COL3A1: variants seen among roughly 807,000 people sequenced by gnomAD.
COL3A1 encodes the protein collagen alpha-1(III) chain.
A neutral mutation model predicts 200.9 loss-of-function variants in COL3A1; 46 were observed. That is an observed-to-expected ratio of 0.23 (90% CI 0.18 to 0.29). The LOEUF (loss-of-function observed/expected upper bound fraction) is 0.29. Among genes scored for constraint, COL3A1 ranks in the 10% least tolerant of loss-of-function variants. The pLI, the probability that COL3A1 is intolerant of heterozygous loss-of-function variation, is 1.00. For missense variants in COL3A1, 1,367 were observed against 1,917.6 expected, an observed-to-expected ratio of 0.71 and a Z score of 5.36; for synonymous variants, 650 against 628.0, an observed-to-expected ratio of 1.03 and a Z score of -0.52.
In COL3A1 at chr2:189,006,967, C is replaced by T; in HGVS notation, c.3232C>T (p.Pro1078Ser). 6.2e-7 allele frequency: 1 copy of T among 1,612,976 alleles called. No homozygotes were observed. Among genetic ancestry groups the T allele is most frequent in the Non-Finnish European group, 8.5e-7 (1 of 1,179,748 alleles). Reference sequence around the variant, plus strand: ...TGCTGGCCCTGCTGGTGCTCCCGGTCCTGCTGGTTCCCGAGGTGCTCCTGT... The same window carrying T: ...TGCTGGCCCTGCTGGTGCTCCCGGTTCTGCTGGTTCCCGAGGTGCTCCTGT... ...GPAGPAGAPG[P>S]AGSRGAPGPQ... The change falls in exon 44 of 51, where the codon CCT becomes TCT. Residue 1078 changes from proline to serine, a missense_variant. This residue lies in a region of COL3A1 where 846 missense variants were observed against 1,147.9 expected (regional missense o/e 0.74). Transcript: ENST00000304636.
intron 34 of COL3A1, among the ~76,000 whole-genome samples, chr2:189,001,992 A>T (rs1414704564): frequency 6.6e-6 from 1 of 152,196 alleles, no homozygotes; most frequent in Non-Finnish European, 1.5e-5. Context: ...TTAATTTTTC[A>T]GTTAAGCTTC....
chr2:188,984,717 G>T (rs1245775798), intron 1 of COL3A1, 43 bp from the exon 2 acceptor site: 1 of 1,588,142 alleles, frequency 6.3e-7, no homozygotes, highest in South Asian at 1.1e-5. Flanking sequence ...TCACCTTTCA[G>T]CAAAACCTAA....
intron 47 of COL3A1, 121 bp from the exon 48 acceptor site, chr2:189,008,803 A>AAAT (rs1352903909): frequency 8.7e-7 from 1 of 1,147,086 alleles, no homozygotes; most frequent in Non-Finnish European, 1.3e-6. Context: ...ATCTTTAGTA[A>AAAT]AATAATTCTG....
At chr2:188,999,752 A>G in intron 31 of COL3A1, 90 bp from the exon 32 acceptor site, 1 of 1,405,602 alleles carries the variant, frequency 7.1e-7, no homozygotes, top group South Asian at 1.2e-5. Flanking sequence ...CCCAATATAT[A>G]TCCCTACAAA....
Position 188,997,862 on chromosome 2 carries a change from C to T in COL3A1, c.1923+109C>T. The T allele has an allele frequency of 2.9e-6, 3 of 1,036,718 alleles. No individual in the cohort carries two copies. In the East Asian group the frequency reaches 7.7e-5, roughly 27 times the overall value. 64.2% of individuals were successfully genotyped at this position (1,036,718 alleles called of 1,614,324 possible). A position where few individuals can be genotyped will look rare whatever the true frequency, so the allele number is the denominator to read the frequency against. ...CTTAACTTGTGATTCTGTCTTTCAT[C>T]TGGAAATAAAATTTTAGGCAATGTT... On this transcript the variant is annotated intron_variant, in intron 27 of 50. Coordinates refer to ENST00000304636, the MANE Select transcript of COL3A1 (RefSeq NM_000090.4).
rs1034257844 is a variant in COL3A1, at chr2:189,002,969, A to G, written c.2460A>G (p.Glu820=). The G allele has an allele frequency of 2.6e-6, 4 of 1,551,510 alleles. No individual in the cohort carries two copies. In the African/African-American group the frequency reaches 4.1e-5, roughly 16 times the overall value. The change falls in exon 36 of 51, where the codon GAA becomes GAG. Residue 820 remains glutamate (E), a synonymous_variant. Coordinates refer to ENST00000304636, the MANE Select transcript of COL3A1 (RefSeq NM_000090.4). ...GTTGCATGTAGGGACAGAATGGTGA[A>G]CCTGGTGGTAAAGGAGAAAGAGGGG... is the stretch of plus-strand genomic sequence containing the variant. ...GFPGAPGQNG[E]PGGKGERGAP...
At chr2:188,980,854 A>G (rs1030915389) in intron 1 of COL3A1, among the ~76,000 whole-genome samples, 4 of 151,302 alleles carry the variant, frequency 2.6e-5, no homozygotes, top group Admixed American at 6.6e-5. Context: ...AAATACCCAC[A>G]TGTACAAAAT....
chr2:189,011,929 ACTTC>A lies in COL3A1; in HGVS notation c.*156_*159del. On this transcript the variant is annotated 3_prime_UTR_variant, in exon 51 of 51. Transcript: ENST00000304636. ...GTATAATTTGACAAAGAAAAATGAT[ACTTC>A]TCTTTTTTTGCTGTTCCACCAAATA... The A allele has an allele frequency of 1.3e-6, 1 of 797,922 alleles. No homozygotes were observed. The highest frequency in any genetic ancestry group is 2.0e-6 in the Non-Finnish European group (1 of 503,366). The allele number at this position is 797,922 out of a possible 1,614,324, so 49.4% of individuals were successfully genotyped here. A position where few individuals can be genotyped will look rare whatever the true frequency, so the allele number is the denominator to read the frequency against.
At chr2:188,999,655 A>G (rs1688411019) in intron 31 of COL3A1, 78 bp downstream of exon 31, 1 of 1,470,438 alleles carries the variant, frequency 6.8e-7, no homozygotes, top group Non-Finnish European at 9.4e-7. Context: ...CCTGGAAAGT[A>G]ATCGACTGTA....
chr2:188,993,005 G>T lies in COL3A1; in HGVS notation c.1050+65G>T. 2.7e-6 allele frequency: 4 copies of T among 1,469,764 alleles called. No homozygotes were observed. The South Asian group carries it at 3.4e-5, about 13-fold the overall frequency. The allele number at this position is 1,469,764 out of a possible 1,614,324, so 91.0% of individuals were successfully genotyped here. A position where few individuals can be genotyped will look rare whatever the true frequency, so the allele number is the denominator to read the frequency against. On this transcript the variant is annotated intron_variant, in intron 15 of 50. Transcript: ENST00000304636. Reference sequence around the variant, plus strand: ...GGAGGCAAGAGAAAAGCATTAGATTGCTTCTTGCAACTGATTTTTTTAATC... The same window carrying T: ...GGAGGCAAGAGAAAAGCATTAGATTTCTTCTTGCAACTGATTTTTTTAATC...
rs770702857 is a variant in COL3A1 at position 188,987,026 on chromosome 2, A to C, written c.448-33A>C. ...TAAAAGAATTATGAACTGTCTGTTAAAATGATCATATCTATTTGTCTCCTT... is the reference window on the plus strand; with the variant it reads ...TAAAAGAATTATGAACTGTCTGTTACAATGATCATATCTATTTGTCTCCTT... On this transcript the variant is annotated intron_variant, in intron 4 of 50. Coordinates refer to ENST00000304636, the MANE Select transcript of COL3A1 (RefSeq NM_000090.4). The C allele has an allele frequency of 3.2e-6, 5 of 1,564,448 alleles. No individual in the cohort carries two copies. In the Admixed American group the frequency reaches 6.7e-5, roughly 21 times the overall value.
chr2:188,990,210 A>T (rs1233101895), intron 9 of COL3A1, 61 bp downstream of exon 9: 1 of 1,586,698 alleles, frequency 6.3e-7, no homozygotes, highest in Non-Finnish European at 8.6e-7. Flanking sequence ...CTATTATGTA[A>T]TTCAATGGAA....
chr2:188,999,646 C>A, intron 31 of COL3A1, 69 bp downstream of exon 31: 1 of 1,507,224 alleles, frequency 6.6e-7, no homozygotes, highest in Non-Finnish European at 9.2e-7. Flanking sequence ...AGCAACACTC[C>A]TGGAAAGTAA....
At chr2:189,008,241 A>G in intron 47 of COL3A1, 99 bp downstream of exon 47, 2 of 972,088 alleles carry the variant, frequency 2.1e-6, no homozygotes, top group Non-Finnish European at 3.2e-6. Flanking sequence ...GAGAGACGCA[A>G]TGCATCCACT....
At chr2:189,003,575 G>A (rs193012373) in intron 37 of COL3A1, 111 bp downstream of exon 37, 4 of 1,342,266 alleles carry the variant, frequency 3.0e-6, no homozygotes, top group East Asian at 4.7e-5. Context: ...AATTGTAATC[G>A]CTCATTCATA....
intron 37 of COL3A1, 124 bp from the exon 38 acceptor site, chr2:189,003,610 G>A: frequency 2.2e-6 from 3 of 1,353,576 alleles, no homozygotes; most frequent in Non-Finnish European, 3.2e-6. Flanking sequence ...AAATTCCAAG[G>A]GGAAACACAA....
rs1688740873 is a variant in COL3A1 at position 189,012,035 on chromosome 2, C to T, written c.*261C>T. 4.2e-6 allele frequency: 2 copies of T among 478,508 alleles called. No homozygotes were observed. The highest frequency in any genetic ancestry group is 7.6e-6 in the Non-Finnish European group (2 of 263,060). The allele number at this position is 478,508 out of a possible 1,614,324, so 29.6% of individuals were successfully genotyped here. On this transcript the variant is annotated 3_prime_UTR_variant, in exon 51 of 51. Coordinates refer to ENST00000304636, the MANE Select transcript of COL3A1 (RefSeq NM_000090.4). ...TCTCAATGGTGCTATAATAAATAAA[C>T]TTCAACACTCTTTATGATAACAACA... is the stretch of plus-strand genomic sequence containing the variant.
intron 1 of COL3A1, among the ~76,000 whole-genome samples, chr2:188,979,281 T>A (rs1379257440): frequency 6.6e-6 from 1 of 151,938 alleles, no homozygotes; most frequent in South Asian, 2.1e-4. Context: ...GAAATACTCT[T>A]TGGAGTTGCA....
chr2:188,981,082 A>C (rs1418338742), intron 1 of COL3A1, among the ~76,000 whole-genome samples: 1 of 151,504 alleles, frequency 6.6e-6, no homozygotes, highest in East Asian at 1.9e-4. Context: ...TAAGACAAAC[A>C]TAACATTCAT....
Sources: gnomAD v4.1 joint callset for allele counts (sites outside exome capture counted in the v4.1 genomes callset) on GRCh38, gnomAD v4.1.1 for gene constraint, gnomAD v4.1.1 regional missense constraint, MANE v1.5 for transcripts, NCBI Gene and HGNC (gene_info 2026-07-23, HGNC 2026-07-21) for gene names.